XYLT1: variants seen among roughly 807,000 people sequenced by gnomAD.
XYLT1 encodes xylosyltransferase 1.
In XYLT1, 36 loss-of-function variants were observed where a neutral mutation model predicts 91.3. The observed-to-expected ratio is 0.39, with a 90% confidence interval of 0.30 to 0.52. The LOEUF is 0.52. XYLT1 is among the 20% of genes least tolerant of loss of function. The probability of loss-of-function intolerance (pLI) is 0.68; values close to 1 mark genes in which losing one functional copy is unlikely to be tolerated. For synonymous variants in XYLT1, 588 were observed against 532.0 expected, an observed-to-expected ratio of 1.11 and a Z score of -1.45; for missense variants, 1,242 against 1,284.5, an observed-to-expected ratio of 0.97 and a Z score of 0.51.
intron 2 of XYLT1, among the ~76,000 whole-genome samples, chr16:17,279,614 G>T (rs899106242): frequency 6.6e-6 from 1 of 152,164 alleles, no homozygotes; most frequent in Non-Finnish European, 1.5e-5. Context: ...TGTCATTTTG[G>T]ATACACTGTG....
chr16:17,149,313 T>C (rs1178244642), intron 6 of XYLT1, among the ~76,000 whole-genome samples: 1 of 152,182 alleles, frequency 6.6e-6, no homozygotes, highest in Non-Finnish European at 1.5e-5. Flanking sequence ...ATAACTCTGC[T>C]CTTCAAGTTT....
At chr16:17,204,966 CAAAAAAAAAAA>C (rs530525798) in intron 3 of XYLT1, among the ~76,000 whole-genome samples, 5 of 81,288 alleles carry the variant, frequency 6.2e-5, no homozygotes, top group African/African-American at 1.4e-4. Context: ...TGCCCAGCTC[CAAAAAAAAAAA>C]AAAAAAAAAA....
intron 3 of XYLT1, among the ~76,000 whole-genome samples, chr16:17,212,529 G>A (rs2141600434): frequency 6.6e-6 from 1 of 152,190 alleles, no homozygotes; most frequent in South Asian, 2.1e-4. Context: ...ATCTTTGGCT[G>A]TTGCCTCAAA....
intron 2 of XYLT1, among the ~76,000 whole-genome samples, chr16:17,348,611 T>A (rs2035178553): frequency 6.6e-6 from 1 of 152,188 alleles, no homozygotes; most frequent in African/African-American, 2.4e-5. Context: ...TATAAAGTGT[T>A]GAGCAACATC....
rs551330179 is a variant in XYLT1, at chr16:17,180,844, C to A, written c.1289+17368G>T. On this transcript the variant is annotated intron_variant, in intron 5 of 11. Coordinates refer to ENST00000261381, the MANE Select transcript of XYLT1 (RefSeq NM_022166.4). Reference sequence around the variant, plus strand: ...GAGGCAGCAGGGGAGTCTCATGAACCATGAAGACTTTGCTCTCTGCGTTGG... The same window carrying A: ...GAGGCAGCAGGGGAGTCTCATGAACAATGAAGACTTTGCTCTCTGCGTTGG... Among the ~76,000 whole-genome samples, 16 of 152,228 alleles carry A rather than the reference C, an allele frequency of 1.1e-4. No homozygotes were observed. The South Asian group carries it at 3.3e-3, about 32-fold the overall frequency.
chr16:17,195,509 G>A (rs989141286), intron 5 of XYLT1, among the ~76,000 whole-genome samples: 13 of 151,822 alleles, frequency 8.6e-5, no homozygotes, highest in Admixed American at 4.6e-4. Flanking sequence ...ACAGTGGCGC[G>A]ATATCGGCTC....
chr16:17,257,909 G>A (rs764881366), intron 3 of XYLT1, among the ~76,000 whole-genome samples: 24 of 152,128 alleles, frequency 1.6e-4, no homozygotes, highest in Non-Finnish European at 2.8e-4. Flanking sequence ...CCCTTCCAAG[G>A]GCACTAGAGA....
At chr16:17,249,287 C>T (rs780917629) in intron 3 of XYLT1, among the ~76,000 whole-genome samples, 20 of 152,164 alleles carry the variant, frequency 1.3e-4, no homozygotes, top group Non-Finnish European at 2.4e-4. Context: ...TGCCCATTTC[C>T]ATTGCTTTGC....
chr16:17,173,808 G>C lies in XYLT1; in HGVS notation c.1290-14899C>G, dbSNP rs149916401. Among the ~76,000 whole-genome samples, 12 of 152,304 alleles carry C rather than the reference G, an allele frequency of 7.9e-5. 1 individual carries two copies. Among genetic ancestry groups the C allele is most frequent in the Admixed American group, 5.9e-4 (9 of 15,304 alleles). On this transcript the variant is annotated intron_variant, in intron 5 of 11. Transcript: ENST00000261381. ...ATCATCTCTACTCCTTAATCCTTGC[G>C]GTACCACCTTGCAGGTTTCTTTATC...
At chr16:17,447,762 C>G (rs899451154) in intron 1 of XYLT1, among the ~76,000 whole-genome samples, 1 of 114,328 alleles carries the variant, frequency 8.7e-6, no homozygotes, top group Admixed American at 7.6e-5. Flanking sequence ...CGACCTTCCA[C>G]GAAAGCCACT....
intron 1 of XYLT1, among the ~76,000 whole-genome samples, chr16:17,386,421 A>G (rs569597944): frequency 3.2e-4 from 48 of 152,328 alleles, no homozygotes; most frequent in African/African-American, 1.1e-3. Context: ...TTGCTTTTAC[A>G]AAGGGATTAA....
At position 17,103,760 on chromosome 16, in the gene XYLT1, G is replaced by C. The variant is rs1161748350; in HGVS notation, c.*4935C>G. 1 of 152,224 alleles carries C rather than the reference G, an allele frequency of 6.6e-6. No individual in the cohort carries two copies. The highest frequency in any genetic ancestry group is 1.5e-5 in the Non-Finnish European group (1 of 68,116). The allele number at this position is 152,224 out of a possible 1,614,324, so 9.4% of individuals were successfully genotyped here. A position where few individuals can be genotyped will look rare whatever the true frequency, so the allele number is the denominator to read the frequency against. On this transcript the variant is annotated 3_prime_UTR_variant, in exon 12 of 12. Transcript: ENST00000261381. Reference sequence around the variant, plus strand: ...AGGCAGTTGGAATATTCCCAGCCAAGTGGAGAGGGAAGAGAGGTCACTTTC... The same window carrying C: ...AGGCAGTTGGAATATTCCCAGCCAACTGGAGAGGGAAGAGAGGTCACTTTC...
intron 10 of XYLT1, among the ~76,000 whole-genome samples, chr16:17,124,402 G>A (rs4782036): frequency 0.64 from 97,920 of 152,068 alleles, 32,532 homozygotes; most frequent in Non-Finnish European, 0.71. Context: ...TACACGATGC[G>A]TGGCTGGTAA....
chr16:17,183,902 G>C (rs1001109495), intron 5 of XYLT1, among the ~76,000 whole-genome samples: 8 of 152,054 alleles, frequency 5.3e-5, no homozygotes, highest in African/African-American at 1.9e-4. Context: ...CCTATACTCA[G>C]TCAAATCTTT....
intron 1 of XYLT1, among the ~76,000 whole-genome samples, chr16:17,376,355 A>T (rs572257224): frequency 1.3e-5 from 2 of 152,188 alleles, no homozygotes; most frequent in Non-Finnish European, 2.9e-5. Flanking sequence ...CTAAGAGGAC[A>T]GAGGTAGGCC....
At chr16:17,148,259 A>G (rs2031190354) in intron 6 of XYLT1, among the ~76,000 whole-genome samples, 1 of 152,118 alleles carries the variant, frequency 6.6e-6, no homozygotes, top group Admixed American at 6.5e-5. Context: ...TCAACCATCA[A>G]TCCCTTCTTA....
chr16:17,428,196 C>T (rs1426114364), intron 1 of XYLT1, among the ~76,000 whole-genome samples: 1 of 152,136 alleles, frequency 6.6e-6, no homozygotes, highest in African/African-American at 2.4e-5. Flanking sequence ...GTTGGCCAGG[C>T]TGGTCTTGAA....
intron 2 of XYLT1, among the ~76,000 whole-genome samples, chr16:17,292,122 C>T (rs745473666): frequency 3.9e-4 from 59 of 150,048 alleles, no homozygotes; most frequent in Non-Finnish European, 6.6e-4. Context: ...ACATATATAT[C>T]TGTGTGTGTC....
intron 3 of XYLT1, among the ~76,000 whole-genome samples, chr16:17,213,864 G>C (rs571221924): frequency 6.6e-6 from 1 of 152,052 alleles, no homozygotes; most frequent in Non-Finnish European, 1.5e-5. Context: ...TGATTCGCCC[G>C]CCTCAGCCTC....
Sources: allele counts gnomAD v4.1 joint callset (sites outside exome capture counted in the v4.1 genomes callset), GRCh38; gene constraint gnomAD v4.1.1; transcripts MANE v1.5; gene names NCBI Gene and HGNC (gene_info 2026-07-23, HGNC 2026-07-21).